HCK: variants seen among roughly 807,000 people sequenced by gnomAD.
HCK encodes the protein tyrosine-protein kinase HCK.
Under a neutral mutation model 70.4 loss-of-function variants are expected in HCK, and 40 were observed. That is an observed-to-expected ratio of 0.57 (90% CI 0.44 to 0.74). The LOEUF is 0.74. Ranked by LOEUF, HCK falls within the 30% of genes least tolerant of loss-of-function variation. HCK has a pLI of 0.00. For synonymous variants in HCK, 245 were observed against 263.2 expected (o/e 0.93, Z 0.67); for missense variants, 568 against 697.2 (o/e 0.81, Z 2.09).
At chr20:32,053,530 C>T (rs1424492917) in intron 1 of HCK, among the ~76,000 whole-genome samples, 1 of 146,664 alleles carries the variant, frequency 6.8e-6, no homozygotes, top group Non-Finnish European at 1.5e-5. Flanking sequence ...CCCAGCTACT[C>T]GGGAGGCTGA....
At chr20:32,086,477 G>A in intron 8 of HCK, 151 bp from the exon 9 acceptor site, 1 of 647,916 alleles carries the variant, frequency 1.5e-6, no homozygotes, top group Non-Finnish European at 2.6e-6. Flanking sequence ...AGTTGTCTGA[G>A]GCCTAAGCCC....
At chr20:32,077,850 C>A (rs1057281652) in intron 5 of HCK, among the ~76,000 whole-genome samples, 9 of 152,012 alleles carry the variant, frequency 5.9e-5, no homozygotes, top group African/African-American at 2.2e-4. Flanking sequence ...TACCACAGGG[C>A]GTCTGTCCTG....
chr20:32,086,221 G>C (rs368660132), intron 8 of HCK, among the ~76,000 whole-genome samples: 1 of 152,088 alleles, frequency 6.6e-6, no homozygotes. Context: ...GGGTTTCACC[G>C]TGTTAGCCAG....
At chr20:32,085,442 AG>A (rs1286836246) in intron 8 of HCK, among the ~76,000 whole-genome samples, 1 of 152,112 alleles carries the variant, frequency 6.6e-6, no homozygotes, top group African/African-American at 2.4e-5. Context: ...TGAACCCAGG[AG>A]GTGGAAGTTG....
intron 1 of HCK, 23 bp downstream of exon 1, chr20:32,052,509 C>G (rs564163501): frequency 2.9e-5 from 36 of 1,259,588 alleles, no homozygotes; most frequent in Middle Eastern, 3.0e-4. Flanking sequence ...CACAGGGGAC[C>G]GGGAATACCC....
At chr20:32,056,233 G>T (rs879607584) in intron 1 of HCK, among the ~76,000 whole-genome samples, 1 of 152,210 alleles carries the variant, frequency 6.6e-6, no homozygotes. Context: ...TATCTCTGTG[G>T]CCGGGTGCGG....
intron 11 of HCK, among the ~76,000 whole-genome samples, chr20:32,094,763 A>AAG (rs1569009937): frequency 3.2e-4 from 37 of 114,260 alleles, no homozygotes; most frequent in Non-Finnish European, 5.3e-4. Context: ...GAAAGAAAGA[A>AAG]GGAAAGAAAG....
At chr20:32,053,746 C>T (rs187130221) in intron 1 of HCK, among the ~76,000 whole-genome samples, 3 of 152,066 alleles carry the variant, frequency 2.0e-5, no homozygotes, top group Admixed American at 1.3e-4. Flanking sequence ...GACATATGGC[C>T]CCGTGTTCTC....
At chr20:32,092,150 A>T (rs367548562) in intron 10 of HCK, among the ~76,000 whole-genome samples, 22 of 152,024 alleles carry the variant, frequency 1.4e-4, no homozygotes, top group African/African-American at 5.3e-4. Context: ...AGACGCCCTC[A>T]CTTCCAGAAT....
chr20:32,082,925 T>C (rs1047602552), intron 6 of HCK, among the ~76,000 whole-genome samples: 3 of 152,158 alleles, frequency 2.0e-5, no homozygotes, highest in Non-Finnish European at 2.9e-5. Flanking sequence ...ATTGCTGCTG[T>C]AACAAATTAA....
intron 8 of HCK, among the ~76,000 whole-genome samples, chr20:32,085,302 C>T (rs1328406869): frequency 6.6e-6 from 1 of 152,186 alleles, no homozygotes; most frequent in Non-Finnish European, 1.5e-5. Context: ...CAATCAAGGT[C>T]AGCAGTTCGA....
intron 1 of HCK, among the ~76,000 whole-genome samples, chr20:32,069,394 G>A (rs996678455): frequency 6.6e-6 from 1 of 152,190 alleles, no homozygotes; most frequent in African/African-American, 2.4e-5. Flanking sequence ...ATCAGTGGGT[G>A]CCCAGAGAGG....
chr20:32,092,792 T>C (rs927972064), intron 10 of HCK, among the ~76,000 whole-genome samples: 3 of 151,980 alleles, frequency 2.0e-5, no homozygotes, highest in African/African-American at 7.2e-5. Flanking sequence ...CGCCTTTGCA[T>C]CTCATGTTCT....
chr20:32,082,164 T>C (rs947013367), intron 6 of HCK, among the ~76,000 whole-genome samples: 10 of 152,176 alleles, frequency 6.6e-5, no homozygotes, highest in African/African-American at 2.4e-4. Context: ...TCCTCATCCG[T>C]AAATGAGGAT....
chr20:32,066,156 A>T (rs2045453775), intron 1 of HCK, among the ~76,000 whole-genome samples: 1 of 151,662 alleles, frequency 6.6e-6, no homozygotes. Flanking sequence ...TTCTTCCACC[A>T]TTCTCTCCCC....
chr20:32,060,413 G>T (rs904428621), intron 1 of HCK, among the ~76,000 whole-genome samples: 3 of 152,096 alleles, frequency 2.0e-5, no homozygotes, highest in Admixed American at 6.5e-5. Flanking sequence ...TTGAGACAGG[G>T]TTTCACCATG....
chr20:32,089,108 G>T (rs2122596900), intron 10 of HCK, among the ~76,000 whole-genome samples: 1 of 152,352 alleles, frequency 6.6e-6, no homozygotes, highest in East Asian at 1.9e-4. Context: ...CGGCGCAGCA[G>T]CTGGGTTCCA....
At chr20:32,067,412 C>G (rs140374401) in intron 1 of HCK, among the ~76,000 whole-genome samples, 1 of 152,258 alleles carries the variant, frequency 6.6e-6, no homozygotes, top group Non-Finnish European at 1.5e-5. Flanking sequence ...CCCTGGCAAC[C>G]ACCATTCTAC....
Position 32,076,741 on chromosome 20 carries a change from A to AGCTGCT in HCK, c.428+2033_428+2038dup, listed in dbSNP as rs572483693. Among the ~76,000 whole-genome samples, 329 of 152,188 alleles carry AGCTGCT rather than the reference A, an allele frequency of 2.2e-3. 2 individuals are homozygous for AGCTGCT. The highest frequency in any genetic ancestry group is 7.2e-3 in the African/African-American group (298 of 41,522). Reference sequence around the variant, plus strand: ...TTTCTAACAGGTTCTTGGGTGAGGCAGCTGCTGCTGCTGCTGCTCCAGGGA... The same window carrying AGCTGCT: ...TTTCTAACAGGTTCTTGGGTGAGGCAGCTGCTGCTGCTGCTGCTGCTGCTCCAGGGA... On this transcript the variant is annotated intron_variant, in intron 5 of 12. Coordinates refer to ENST00000375852, the MANE Select transcript of HCK (RefSeq NM_002110.5).
Sources: gnomAD v4.1 joint callset for allele counts (sites outside exome capture counted in the v4.1 genomes callset) on GRCh38, gnomAD v4.1.1 for gene constraint, MANE v1.5 for transcripts, NCBI Gene and HGNC (gene_info 2026-07-23, HGNC 2026-07-21) for gene names.